The following TRIP12 variants were observed in gnomAD, a reference collection of about 807,000 sequenced individuals.
TRIP12 encodes thyroid hormone receptor interactor 12, also known as E3 ubiquitin-protein ligase TRIP12.
A neutral mutation model predicts 244.2 loss-of-function variants in TRIP12; 25 were observed. That is an observed-to-expected ratio of 0.10 (90% CI 0.07 to 0.14). The LOEUF (loss-of-function observed/expected upper bound fraction) is 0.14. TRIP12 is among the 10% of genes least tolerant of loss of function. The pLI, the probability that TRIP12 is intolerant of heterozygous loss-of-function variation, is 1.00. For synonymous variants in TRIP12, 905 were observed against 873.1 expected (o/e 1.04, Z -0.64); for missense variants, 1,677 against 2,486.4 (o/e 0.67, Z 6.92).
chr2:229,814,152 C>A, intron 12 of TRIP12, 81 bp downstream of exon 12: 1 of 1,532,246 alleles, frequency 6.5e-7, no homozygotes, highest in Admixed American at 1.8e-5. Flanking sequence ...ACAAAAACTG[C>A]AATCAAGTAG....
At position 229,807,817 on chromosome 2, in the gene TRIP12, G is replaced by A. The variant is rs377414186; in HGVS notation, c.2387C>T (p.Thr796Ile). 2 of 1,614,046 alleles carry A rather than the reference G, an allele frequency of 1.2e-6. No homozygotes were observed. The highest frequency in any genetic ancestry group is 2.7e-5 in the African/African-American group (2 of 74,990). Residue 796 changes from threonine (T) to isoleucine (I), a missense_variant, in exon 17 of 42, where the codon ACC becomes ATC. Around this residue, in one of 11 missense-constraint regions of TRIP12, gnomAD observed 572 missense variants for 867.8 expected, o/e 0.66. Coordinates refer to ENST00000675903, the MANE Select transcript of TRIP12 (RefSeq NM_001348323.3). ...LPKEGIFAVD[T>I]MLKKGNAQNT... ...CTGTGCATTTCCCTTCTTCAACATG[G>A]TATCAACTGCAAAAATGCCTTCTTT...
At chr2:229,801,881 G>A (rs1195585484) in intron 21 of TRIP12, among the ~76,000 whole-genome samples, 1 of 152,030 alleles carries the variant, frequency 6.6e-6, no homozygotes, top group Non-Finnish European at 1.5e-5. Context: ...ATGTCTCTGA[G>A]GTCGTATGTA....
At chr2:229,866,249 A>G (rs1216347942) in intron 2 of TRIP12, among the ~76,000 whole-genome samples, 1 of 152,160 alleles carries the variant, frequency 6.6e-6, no homozygotes, top group Non-Finnish European at 1.5e-5. Flanking sequence ...AAGCGATTAT[A>G]CTATTTTTTT....
chr2:229,790,109 A>G (rs1427737698), intron 30 of TRIP12, among the ~76,000 whole-genome samples: 2 of 152,182 alleles, frequency 1.3e-5, no homozygotes, highest in Admixed American at 6.5e-5. Context: ...TGTTACAGAA[A>G]TTTCCCAGAT....
chr2:229,888,747 G>A (rs1258939776), intron 1 of TRIP12, among the ~76,000 whole-genome samples: 2 of 152,180 alleles, frequency 1.3e-5, no homozygotes, highest in Admixed American at 6.5e-5. Context: ...AGGTTGCAGC[G>A]AGCCAAGATT....
chr2:229,774,313 T>C, intron 37 of TRIP12, 52 bp from the exon 38 acceptor site: 1 of 1,538,870 alleles, frequency 6.5e-7, no homozygotes, highest in Admixed American at 2.1e-5. Context: ...TAACTTACGG[T>C]TGTTTAAAAA....
intron 1 of TRIP12, among the ~76,000 whole-genome samples, chr2:229,910,015 G>C (rs2073958410): frequency 6.6e-6 from 1 of 152,220 alleles, no homozygotes; most frequent in Non-Finnish European, 1.5e-5. Flanking sequence ...AGAGCTAAAT[G>C]CAGCAGTTGC....
chr2:229,849,425 G>A (rs923641323), intron 4 of TRIP12, among the ~76,000 whole-genome samples: 9 of 151,946 alleles, frequency 5.9e-5, no homozygotes, highest in Non-Finnish European at 1.0e-4. Context: ...TTCCCTAAGG[G>A]GAACACAACA....
intron 1 of TRIP12, among the ~76,000 whole-genome samples, chr2:229,902,882 C>T (rs2071397554): frequency 6.6e-6 from 1 of 152,158 alleles, no homozygotes; most frequent in Admixed American, 6.5e-5. Flanking sequence ...GATATGCCTT[C>T]ACATACAGTG....
intron 6 of TRIP12, among the ~76,000 whole-genome samples, chr2:229,834,529 G>C (rs1378478357): frequency 6.6e-6 from 1 of 152,200 alleles, no homozygotes; most frequent in Non-Finnish European, 1.5e-5. Flanking sequence ...GGAGGCCAAG[G>C]TGGGCAGATC....
chr2:229,855,893 C>T lies in TRIP12; in HGVS notation c.1027+2879G>A, dbSNP rs541152291. 3.8e-4 allele frequency among the ~76,000 whole-genome samples: 58 copies of T among 152,080 alleles called. 2 individuals are homozygous for T. In the South Asian group the frequency reaches 0.011, roughly 28 times the overall value. ...CCTGTCTCTTAAATACAAAAATTAGCCAAGCATGGTGGCATGCGCCTGTAA... is the reference window on the plus strand; with the variant it reads ...CCTGTCTCTTAAATACAAAAATTAGTCAAGCATGGTGGCATGCGCCTGTAA... On this transcript the variant is annotated intron_variant, in intron 4 of 41. Coordinates refer to ENST00000675903, the MANE Select transcript of TRIP12 (RefSeq NM_001348323.3).
chr2:229,800,812 C>T (rs1379180746), intron 21 of TRIP12, among the ~76,000 whole-genome samples: 2 of 152,052 alleles, frequency 1.3e-5, no homozygotes, highest in African/African-American at 4.8e-5. Context: ...CCTGTAGTCC[C>T]AGCTACTTCG....
chr2:229,798,076 T>A (rs2043249004), intron 23 of TRIP12, among the ~76,000 whole-genome samples: 1 of 152,218 alleles, frequency 6.6e-6, no homozygotes, highest in Non-Finnish European at 1.5e-5. Context: ...CAAAGTGTAA[T>A]AATTTTTTGG....
In TRIP12 at chr2:229,777,358, T is replaced by C; in HGVS notation, c.5486A>G (p.Asp1829Gly). 6.2e-7 allele frequency: 1 copy of C among 1,613,868 alleles called. No homozygotes were observed. Among genetic ancestry groups the C allele is most frequent in the South Asian group, 1.1e-5 (1 of 91,062 alleles). The change falls in exon 37 of 42, where the codon GAC (aspartate) becomes GGC (glycine). Residue 1829 changes from aspartate to glycine, a missense_variant. Coordinates refer to ENST00000675903, the MANE Select transcript of TRIP12 (RefSeq NM_001348323.3). ...VVARSVYHLE[D>G]IVRQKKRLEQ... Reference sequence around the variant, plus strand: ...AAGTCTTTTCTTCTGTCTGACAATGTCTTCTAGGTGATAAACTGATCTGGC... The same window carrying C: ...AAGTCTTTTCTTCTGTCTGACAATGCCTTCTAGGTGATAAACTGATCTGGC...
chr2:229,799,372 T>C lies in TRIP12; in HGVS notation c.3218A>G (p.Asp1073Gly). The change falls in exon 22 of 42, where the codon GAT (aspartate) becomes GGT (glycine). Residue 1073 changes from aspartate to glycine, a missense_variant. Physicochemically the swap from Asp to Gly is moderately conservative, Grantham distance 94 (BLOSUM62 -1). Transcript: ENST00000675903. ...TGGCAGTCGTTTTCTCTTTAGAACA[T>C]CACTTAATCGACTGTCCATGGGAAA... is the stretch of plus-strand genomic sequence containing the variant. The part of the protein sequence containing the change: ...LDLSPQGRLS[D>G]VLKRKRLPKR... 6.2e-7 allele frequency: 1 copy of C among 1,609,374 alleles called. No homozygotes were observed. Among genetic ancestry groups the C allele is most frequent in the Non-Finnish European group, 8.5e-7 (1 of 1,176,420 alleles).
intron 1 of TRIP12, among the ~76,000 whole-genome samples, chr2:229,907,694 C>T (rs1446003288): frequency 6.6e-6 from 1 of 152,130 alleles, no homozygotes; most frequent in African/African-American, 2.4e-5. Context: ...GTCTTAGCTA[C>T]TCCACAGCTA....
At chr2:229,826,099 C>T (rs957939102) in intron 8 of TRIP12, among the ~76,000 whole-genome samples, 5 of 152,088 alleles carry the variant, frequency 3.3e-5, no homozygotes, top group African/African-American at 1.2e-4. Context: ...CAACTATTGT[C>T]CTAGGCAATC....
At chr2:229,905,225 G>C (rs917569137) in intron 1 of TRIP12, among the ~76,000 whole-genome samples, 2 of 149,582 alleles carry the variant, frequency 1.3e-5, no homozygotes, top group Non-Finnish European at 3.0e-5. Flanking sequence ...GGTGAGCCGA[G>C]ATCGCGCCAT....
chr2:229,865,374 G>T (rs989733446), intron 2 of TRIP12, among the ~76,000 whole-genome samples: 1 of 145,096 alleles, frequency 6.9e-6, no homozygotes, highest in African/African-American at 2.5e-5. Flanking sequence ...CTGTCTCAAT[G>T]TTAGGAAAAA....
Sources: allele counts gnomAD v4.1 joint callset (sites outside exome capture counted in the v4.1 genomes callset), GRCh38; gene constraint gnomAD v4.1.1; regional missense constraint gnomAD v4.1.1; transcripts MANE v1.5; gene names NCBI Gene and HGNC (gene_info 2026-07-23, HGNC 2026-07-21).